The following DLGAP1 variants were observed in gnomAD, a reference collection of about 807,000 sequenced individuals.
DLGAP1 encodes disks large-associated protein 1.
DLGAP1 carries 11 observed loss-of-function variants against 90.8 expected under a neutral mutation model. That is an observed-to-expected ratio of 0.12 (90% confidence interval 0.08 to 0.20). DLGAP1 has a LOEUF of 0.20. Ranked by LOEUF, DLGAP1 falls within the 10% of genes least tolerant of loss-of-function variation. The pLI is 1.00. For missense variants in DLGAP1, 1,050 were observed against 1,333.8 expected, an observed-to-expected ratio of 0.79 and a Z score of 3.31; for synonymous variants, 558 against 540.7, an observed-to-expected ratio of 1.03 and a Z score of -0.44.
intron 5 of DLGAP1, among the ~76,000 whole-genome samples, chr18:3,798,303 A>G (rs755011137): frequency 6.6e-6 from 1 of 152,226 alleles, no homozygotes; most frequent in Non-Finnish European, 1.5e-5. Flanking sequence ...AAGCAGCCAC[A>G]CAGATCCATA....
intron 3 of DLGAP1, among the ~76,000 whole-genome samples, chr18:3,998,674 G>A (rs901953584): frequency 4.6e-5 from 7 of 151,996 alleles, no homozygotes; most frequent in African/African-American, 1.7e-4. Flanking sequence ...TTCAAGTAGA[G>A]GACTTTTTTC....
chr18:3,564,233 T>C (rs2054309005), intron 9 of DLGAP1, among the ~76,000 whole-genome samples: 3 of 152,208 alleles, frequency 2.0e-5, no homozygotes. Context: ...TGCTCTACAG[T>C]TCTATGATTA....
intron 2 of DLGAP1, among the ~76,000 whole-genome samples, chr18:4,133,165 G>T (rs1255661370): frequency 6.6e-6 from 1 of 152,158 alleles, no homozygotes; most frequent in African/African-American, 2.4e-5. Context: ...CCCCAGGAAG[G>T]TGACAATAGA....
intron 1 of DLGAP1, among the ~76,000 whole-genome samples, chr18:4,313,693 A>C (rs1332648354): frequency 6.6e-6 from 1 of 152,210 alleles, no homozygotes; most frequent in African/African-American, 2.4e-5. Context: ...TCTGAACAAA[A>C]AGAGAACCTT....
At chr18:4,435,452 A>T (rs2144783419) in intron 1 of DLGAP1, among the ~76,000 whole-genome samples, 1 of 152,286 alleles carries the variant, frequency 6.6e-6, no homozygotes, top group South Asian at 2.1e-4. Flanking sequence ...AGAGGAGTCA[A>T]GAAAGGTAAT....
chr18:3,747,180 C>T (rs141162666), intron 5 of DLGAP1, among the ~76,000 whole-genome samples: 454 of 152,174 alleles, frequency 3.0e-3, no homozygotes, highest in Middle Eastern at 6.8e-3. Flanking sequence ...GAGGCCCTGT[C>T]TGTATTTTTT....
intron 7 of DLGAP1, among the ~76,000 whole-genome samples, chr18:3,718,431 G>A (rs2061838162): frequency 6.6e-6 from 1 of 152,006 alleles, no homozygotes; most frequent in South Asian, 2.1e-4. Context: ...TGTTTGATGG[G>A]GGCATTTCTA....
rs1568279487 is a variant in DLGAP1, at chr18:3,600,939, G to GATAGATATAGATATAT, written c.1592-18692_1592-18691insATATATCTATATCTAT. Among the ~76,000 whole-genome samples the GATAGATATAGATATAT allele has an allele frequency of 1.7e-4, 10 of 58,162 alleles. 1 individual carries two copies. The highest frequency in any genetic ancestry group is 7.6e-4 in the East Asian group (2 of 2,646). 38.2% of individuals were successfully genotyped at this position (58,162 alleles called of 152,430 possible). On this transcript the variant is annotated intron_variant, in intron 7 of 12. Coordinates refer to ENST00000315677, the MANE Select transcript of DLGAP1 (RefSeq NM_004746.4). ...AGATATAGATATATATAGATATATA[G>GATAGATATAGATATAT]ATAGATATATAGATATATATAGATA... is the stretch of plus-strand genomic sequence containing the variant.
At chr18:3,581,137 G>C (rs1599354484) in intron 8 of DLGAP1, among the ~76,000 whole-genome samples, 1 of 152,094 alleles carries the variant, frequency 6.6e-6, no homozygotes, top group African/African-American at 2.4e-5. Flanking sequence ...CAGCCAGGGC[G>C]CTCCTCAGAG....
chr18:3,657,574 C>G (rs999809140), intron 7 of DLGAP1, among the ~76,000 whole-genome samples: 1 of 151,832 alleles, frequency 6.6e-6, no homozygotes, highest in South Asian at 2.1e-4. Flanking sequence ...ATGGCAAATT[C>G]CATATAGTGA....
At chr18:4,453,056 C>G (rs2083874041) in intron 1 of DLGAP1, among the ~76,000 whole-genome samples, 1 of 152,082 alleles carries the variant, frequency 6.6e-6, no homozygotes, top group Non-Finnish European at 1.5e-5. Context: ...CACAAGGTAA[C>G]TAACATTTTC....
intron 5 of DLGAP1, among the ~76,000 whole-genome samples, chr18:3,784,465 G>GT (rs1242688540): frequency 1.3e-5 from 2 of 152,116 alleles, no homozygotes; most frequent in Non-Finnish European, 2.9e-5. Flanking sequence ...CCGTGTATGT[G>GT]TTATTTTTTA....
intron 1 of DLGAP1, among the ~76,000 whole-genome samples, chr18:4,367,634 G>T (rs2081806308): frequency 6.6e-6 from 1 of 152,134 alleles, no homozygotes; most frequent in East Asian, 1.9e-4. Flanking sequence ...TGGATCATGA[G>T]GTCAGGAGAT....
chr18:3,789,992 T>A (rs752819573), intron 5 of DLGAP1, among the ~76,000 whole-genome samples: 4 of 152,216 alleles, frequency 2.6e-5, no homozygotes, highest in Non-Finnish European at 5.9e-5. Flanking sequence ...TTAGCCTAAC[T>A]GTGGGCAAAT....
intron 2 of DLGAP1, among the ~76,000 whole-genome samples, chr18:4,129,527 C>T (rs1347625866): frequency 1.3e-5 from 2 of 152,150 alleles, no homozygotes; most frequent in African/African-American, 2.4e-5. Context: ...GTTCATCATC[C>T]TCACAGGCCA....
chr18:3,822,807 G>A (rs1020903199), intron 4 of DLGAP1, among the ~76,000 whole-genome samples: 5 of 152,112 alleles, frequency 3.3e-5, no homozygotes, highest in African/African-American at 1.2e-4. Context: ...ATCAAAAGGG[G>A]CACTAACTGT....
chr18:3,515,505 G>A (rs981113710), intron 10 of DLGAP1, among the ~76,000 whole-genome samples: 3 of 150,458 alleles, frequency 2.0e-5, no homozygotes, highest in Non-Finnish European at 4.4e-5. Context: ...AAGGCTGGGC[G>A]TGGTGGCTCA....
chr18:3,798,425 C>T (rs1339678276), intron 5 of DLGAP1, among the ~76,000 whole-genome samples: 2 of 152,092 alleles, frequency 1.3e-5, no homozygotes, highest in Non-Finnish European at 2.9e-5. Context: ...GGGACAGGGA[C>T]AGGGACAGAG....
At chr18:4,025,654 G>T (rs754161309) in intron 2 of DLGAP1, among the ~76,000 whole-genome samples, 54 of 152,168 alleles carry the variant, frequency 3.5e-4, no homozygotes, top group Middle Eastern at 6.8e-3. Context: ...CATATTGTAA[G>T]TTTCCAGAGT....
Sources: allele counts gnomAD v4.1 joint callset (sites outside exome capture counted in the v4.1 genomes callset), GRCh38; gene constraint gnomAD v4.1.1; transcripts MANE v1.5; gene names NCBI Gene and HGNC (gene_info 2026-07-23, HGNC 2026-07-21).